USP37: variants seen among roughly 807,000 people sequenced by gnomAD.
The protein encoded by USP37 is ubiquitin specific peptidase 37, also known as ubiquitin carboxyl-terminal hydrolase 37.
USP37 carries 27 observed loss-of-function variants against 124.0 expected under a neutral mutation model. The observed-to-expected ratio is 0.22, with a 90% confidence interval of 0.16 to 0.30. USP37 has a LOEUF of 0.30. Ranked by LOEUF, USP37 falls within the 10% of genes least tolerant of loss-of-function variation. USP37 has a pLI of 1.00. For missense variants in USP37, 889 were observed against 1,140.4 expected, an observed-to-expected ratio of 0.78 and a Z score of 3.17; for synonymous variants, 365 against 388.0, an observed-to-expected ratio of 0.94 and a Z score of 0.70.
chr2:218,541,563 AACT>A (rs886796286), intron 8 of USP37, among the ~76,000 whole-genome samples: 2 of 152,126 alleles, frequency 1.3e-5, no homozygotes, highest in African/African-American at 2.4e-5. Context: ...CATTCAGTCA[AACT>A]ATCAAGATGA....
chr2:218,537,001 T>A (rs1439462910), intron 8 of USP37, among the ~76,000 whole-genome samples: 2 of 152,142 alleles, frequency 1.3e-5, no homozygotes, highest in Admixed American at 1.3e-4. Flanking sequence ...ACACAATAGA[T>A]CGTATTGGGG....
intron 22 of USP37, among the ~76,000 whole-genome samples, chr2:218,461,264 T>C (rs779493937): frequency 6.6e-6 from 1 of 152,086 alleles, no homozygotes; most frequent in Non-Finnish European, 1.5e-5. Flanking sequence ...TCCCAGCACT[T>C]TGGGAGGCCG....
At chr2:218,510,402 T>A (rs1315405328) in intron 10 of USP37, among the ~76,000 whole-genome samples, 1 of 152,044 alleles carries the variant, frequency 6.6e-6, no homozygotes, top group Non-Finnish European at 1.5e-5. Flanking sequence ...AAGAAAACAA[T>A]ACATATAGTT....
intron 14 of USP37, among the ~76,000 whole-genome samples, chr2:218,491,092 T>G (rs951972833): frequency 6.6e-6 from 1 of 152,152 alleles, no homozygotes; most frequent in African/African-American, 2.4e-5. Context: ...AGGGCTGGTC[T>G]CAAACACCTA....
chr2:218,528,816 A>G (rs1691135328), intron 10 of USP37: 4 of 346,054 alleles, frequency 1.2e-5, no homozygotes, highest in African/African-American at 1.1e-4. Context: ...AAAAAAAAAA[A>G]AAAAAAAAAA....
In USP37 at chr2:218,549,798, A is replaced by C; in HGVS notation, c.429+11T>G. ...TTTTTTTAAATGCTAAAAAGATTCAAATGAACATACCTGATTGTCTGAGTA... is the reference window on the plus strand; with the variant it reads ...TTTTTTTAAATGCTAAAAAGATTCACATGAACATACCTGATTGTCTGAGTA... On this transcript the variant is annotated intron_variant, in intron 6 of 25. Transcript: ENST00000258399. 6.2e-7 allele frequency: 1 copy of C among 1,608,288 alleles called. No individual in the cohort carries two copies. Among genetic ancestry groups the C allele is most frequent in the Non-Finnish European group, 8.5e-7 (1 of 1,177,214 alleles).
intron 6 of USP37, 63 bp downstream of exon 6, chr2:218,549,746 G>A: frequency 1.3e-6 from 2 of 1,502,810 alleles, no homozygotes; most frequent in Non-Finnish European, 1.8e-6. Context: ...TTACAGGCGT[G>A]AGCCACTGTG....
chr2:218,544,422 TATATATATAG>T (rs1407790089), intron 8 of USP37, among the ~76,000 whole-genome samples: 5,643 of 55,906 alleles, frequency 0.1, 184 homozygotes, highest in Admixed American at 0.12. Context: ...TATATATATA[TATATATATAG>T]AGAGAGAGAG....
intron 3 of USP37, among the ~76,000 whole-genome samples, chr2:218,559,377 A>G (rs956450434): frequency 1.3e-5 from 2 of 152,194 alleles, no homozygotes; most frequent in Non-Finnish European, 2.9e-5. Context: ...GTTCCTCCCA[A>G]AACATCAAAG....
At chr2:218,483,224 T>C (rs1691357997) in intron 16 of USP37, among the ~76,000 whole-genome samples, 1 of 151,812 alleles carries the variant, frequency 6.6e-6, no homozygotes, top group Non-Finnish European at 1.5e-5. Flanking sequence ...CTAACCAAAA[T>C]AAAAGGTAAT....
chr2:218,522,099 C>T (rs1252632490), intron 10 of USP37, among the ~76,000 whole-genome samples: 1 of 141,864 alleles, frequency 7.0e-6, no homozygotes, highest in Non-Finnish European at 1.5e-5. Context: ...TGGTCTCAAA[C>T]TCCTGAGCTC....
At chr2:218,463,465 A>G in intron 21 of USP37, 99 bp from the exon 22 acceptor site, 1 of 1,007,922 alleles carries the variant, frequency 9.9e-7, no homozygotes, top group East Asian at 2.4e-5. Flanking sequence ...TTTGCTAAGA[A>G]TGCTTTCTAT....
rs527962452 is a variant in USP37 at position 218,457,012 on chromosome 2, G to A, written c.2713+80C>T. ...GAAAAAGAAAAACACACTTCACAAA[G>A]CTAGGCAAAGAGCAATATAATAAAG... is the stretch of plus-strand genomic sequence containing the variant. On this transcript the variant is annotated intron_variant, in intron 24 of 25. Coordinates refer to ENST00000258399, the MANE Select transcript of USP37 (RefSeq NM_020935.3). 8.1e-6 allele frequency: 11 copies of A among 1,364,890 alleles called. No individual in the cohort carries two copies. In the African/African-American group the frequency reaches 1.6e-4, roughly 20 times the overall value. 84.5% of individuals were successfully genotyped at this position (1,364,890 alleles called of 1,614,324 possible).
intron 20 of USP37, among the ~76,000 whole-genome samples, chr2:218,468,033 G>T (rs1690456414): frequency 6.9e-6 from 1 of 145,216 alleles, no homozygotes; most frequent in Admixed American, 6.9e-5. Flanking sequence ...GATTACAGGT[G>T]TTCACCACCA....
intron 10 of USP37, among the ~76,000 whole-genome samples, chr2:218,516,438 G>A (rs934199660): frequency 1.9e-4 from 29 of 151,192 alleles, no homozygotes; most frequent in Admixed American, 1.9e-3. Flanking sequence ...ACTAACACAG[G>A]AACAGAAAAC....
Position 218,451,065 on chromosome 2 carries a change from A to AT in USP37, c.*3864_*3865insA, listed in dbSNP as rs1268455495. ...AACAAATTAGAATTTTCCAATAAAA[A>AT]ATATATATTTTTTCAGATGTTAATA... On this transcript the variant is annotated 3_prime_UTR_variant, in exon 26 of 26. Transcript: ENST00000258399. 1.3e-5 allele frequency: 2 copies of AT among 152,170 alleles called. No homozygotes were observed. The highest frequency in any genetic ancestry group is 6.6e-5 in the Admixed American group (1 of 15,256). The allele number at this position is 152,170 out of a possible 1,614,324, so 9.4% of individuals were successfully genotyped here. A position where few individuals can be genotyped will look rare whatever the true frequency, so the allele number is the denominator to read the frequency against.
At chr2:218,483,294 A>C (rs1233715924) in intron 16 of USP37, among the ~76,000 whole-genome samples, 1 of 150,666 alleles carries the variant, frequency 6.6e-6, no homozygotes, top group Non-Finnish European at 1.5e-5. Flanking sequence ...GAGCAGTAAA[A>C]GGTGGGGGGG....
intron 10 of USP37, among the ~76,000 whole-genome samples, chr2:218,522,597 T>G (rs1027539783): frequency 2.6e-5 from 4 of 151,564 alleles, no homozygotes; most frequent in African/African-American, 7.3e-5. Flanking sequence ...TTCTTTTTTT[T>G]TTGTATGGGC....
intron 24 of USP37, 117 bp downstream of exon 24, chr2:218,456,975 A>AAAAAAG: frequency 8.9e-7 from 1 of 1,125,296 alleles, no homozygotes; most frequent in Non-Finnish European, 1.3e-6. Flanking sequence ...ATCTCAAAAA[A>AAAAAAG]AAAAAGAAAA....
Sources: allele counts gnomAD v4.1 joint callset (sites outside exome capture counted in the v4.1 genomes callset), GRCh38; gene constraint gnomAD v4.1.1; transcripts MANE v1.5; gene names NCBI Gene and HGNC (gene_info 2026-07-23, HGNC 2026-07-21).